The following STK31 variants were observed in gnomAD, a reference collection of about 807,000 sequenced individuals.
The protein encoded by STK31 is serine/threonine kinase 31.
A neutral mutation model predicts 129.7 loss-of-function variants in STK31; 89 were observed. The ratio of observed to expected loss-of-function variants is 0.69; its 90% CI spans 0.58 to 0.82. STK31 has a LOEUF of 0.82. Among genes scored for constraint, STK31 ranks in the 40% least tolerant of loss-of-function variants. The pLI is 0.00. For synonymous variants in STK31, 448 were observed against 395.3 expected, an observed-to-expected ratio of 1.13 and a Z score of -1.58; for missense variants, 1,187 against 1,176.4, an observed-to-expected ratio of 1.01 and a Z score of -0.13.
intron 12 of STK31, 119 bp from the exon 13 acceptor site, chr7:23,769,521 A>T (rs1411761372): frequency 1.5e-6 from 1 of 673,196 alleles, no homozygotes; most frequent in African/African-American, 1.8e-5. Flanking sequence ...TTTTTCCTGC[A>T]TTCCTAGTTC....
At chr7:23,723,442 A>C (rs931432674) in intron 4 of STK31, among the ~76,000 whole-genome samples, 1 of 152,208 alleles carries the variant, frequency 6.6e-6, no homozygotes, top group Admixed American at 6.5e-5. Context: ...TACAGGTGTG[A>C]GCCACTGTGC....
At chr7:23,789,954 G>T (rs1791515662) in intron 21 of STK31, among the ~76,000 whole-genome samples, 1 of 152,116 alleles carries the variant, frequency 6.6e-6, no homozygotes, top group South Asian at 2.1e-4. Flanking sequence ...AATTTGAAAA[G>T]TAGTCTGAGG....
In STK31 at chr7:23,762,895, C is replaced by T. The variant is rs1302803606; in HGVS notation, c.1388C>T (p.Ser463Phe). The change falls in exon 11 of 24, where the codon TCT becomes TTT. Residue 463 changes from serine (S) to phenylalanine (F), a missense_variant. Physicochemically the swap from Ser to Phe is radical, Grantham distance 155. Transcript: ENST00000355870. ...TTTATTCTGGAAGTTGATGAGTCAT[C>T]TCTTAATAAACGCTTAAAAACATTG... ...EDFILEVDES[S>F]LNKRLKTLQD... is the part of the protein sequence containing the mutation. 1.9e-6 allele frequency: 3 copies of T among 1,601,126 alleles called. No individual in the cohort carries two copies. The Admixed American group carries it at 5.2e-5, about 28-fold the overall frequency.
At chr7:23,761,236 G>C (rs898909694) in intron 10 of STK31, among the ~76,000 whole-genome samples, 3 of 151,866 alleles carry the variant, frequency 2.0e-5, no homozygotes, top group African/African-American at 7.3e-5. Flanking sequence ...TACTGCTTGT[G>C]TTTCCGGACT....
rs557107537 is a variant in STK31, at chr7:23,746,295, A to G, written c.1018-6422A>G. On this transcript the variant is annotated intron_variant, in intron 8 of 23. Transcript: ENST00000355870. ...TCCCTTTCGTGGCTAGAATTGCAGG[A>G]GTTTGCAGTGAGAATATGGGCCACT... Among the ~76,000 whole-genome samples, 69 of 152,218 alleles carry G rather than the reference A, an allele frequency of 4.5e-4. 1 individual carries two copies. The highest frequency in any genetic ancestry group is 9.2e-4 in the Admixed American group (14 of 15,298).
intron 22 of STK31, among the ~76,000 whole-genome samples, chr7:23,800,617 A>AGG (rs1300645375): frequency 6.6e-6 from 1 of 152,066 alleles, no homozygotes; most frequent in Admixed American, 6.6e-5. Flanking sequence ...GGTCTAGGGG[A>AGG]GGGATAGCAT....
chr7:23,772,400 G>T (rs965017163), intron 15 of STK31, 122 bp downstream of exon 15: 2 of 1,020,764 alleles, frequency 2.0e-6, no homozygotes, highest in Non-Finnish European at 2.8e-6. Context: ...TTCACATTTT[G>T]TTTTATATAC....
intron 4 of STK31, chr7:23,726,384 G>A (rs1787073493): frequency 9.1e-6 from 1 of 110,066 alleles, no homozygotes; most frequent in Admixed American, 1.4e-4. Flanking sequence ...TGAAGTTCGA[G>A]AAAATGAAAG....
chr7:23,713,233 G>T (rs1786087775), intron 3 of STK31, among the ~76,000 whole-genome samples: 1 of 152,106 alleles, frequency 6.6e-6, no homozygotes, highest in South Asian at 2.1e-4. Context: ...GCAGACAATT[G>T]TAACACAATA....
At chr7:23,789,680 T>C (rs1273416914) in intron 21 of STK31, among the ~76,000 whole-genome samples, 1 of 152,102 alleles carries the variant, frequency 6.6e-6, no homozygotes, top group Non-Finnish European at 1.5e-5. Context: ...AATTAAGATA[T>C]CCTAAGAAAT....
intron 11 of STK31, among the ~76,000 whole-genome samples, chr7:23,765,255 T>C (rs1028922344): frequency 1.3e-5 from 2 of 152,100 alleles, no homozygotes; most frequent in African/African-American, 4.8e-5. Context: ...GGTTTCACGA[T>C]GTTGCCCAGG....
chr7:23,827,868 C>A (rs1794271636), intron 23 of STK31, among the ~76,000 whole-genome samples: 3 of 152,188 alleles, frequency 2.0e-5, no homozygotes, highest in African/African-American at 7.2e-5. Flanking sequence ...ACTCCAGACC[C>A]TGTTTGTCTA....
At chr7:23,734,883 T>G (rs1562558116) in intron 6 of STK31, among the ~76,000 whole-genome samples, 1 of 152,094 alleles carries the variant, frequency 6.6e-6, no homozygotes, top group East Asian at 1.9e-4. Flanking sequence ...GAGAATCGCT[T>G]GAACCGGGGA....
At chr7:23,725,276 C>T (rs530391737) in intron 4 of STK31, among the ~76,000 whole-genome samples, 6 of 143,372 alleles carry the variant, frequency 4.2e-5, no homozygotes, top group East Asian at 2.1e-4. Flanking sequence ...GGCTCATGCC[C>T]GTAATCCCAG....
chr7:23,781,355 A>G (rs901131192), intron 15 of STK31, 64 bp from the exon 16 acceptor site: 2 of 1,237,390 alleles, frequency 1.6e-6, no homozygotes, highest in Admixed American at 4.3e-5. Context: ...ATAGAACTTG[A>G]ATTCTTAAAA....
chr7:23,736,759 ATAT>A (rs1787742727), intron 7 of STK31, 142 bp from the exon 8 acceptor site: 2 of 525,762 alleles, frequency 3.8e-6, no homozygotes, highest in South Asian at 1.3e-4. Flanking sequence ...TTATTTTTTA[ATAT>A]TATGAACTAG....
chr7:23,809,280 G>A (rs927520712), intron 22 of STK31, among the ~76,000 whole-genome samples: 1 of 151,882 alleles, frequency 6.6e-6, no homozygotes, highest in African/African-American at 2.4e-5. Context: ...TGAGCCCTTG[G>A]TGCTTTCTTT....
chr7:23,712,493 A>G (rs73080921), intron 3 of STK31, among the ~76,000 whole-genome samples: 8,631 of 152,278 alleles, frequency 0.057, 309 homozygotes, highest in East Asian at 0.13. Context: ...TGTTATGCCC[A>G]TAATACACCA....
intron 22 of STK31, among the ~76,000 whole-genome samples, chr7:23,793,814 C>A (rs2128116128): frequency 6.6e-6 from 1 of 152,318 alleles, no homozygotes; most frequent in East Asian, 1.9e-4. Flanking sequence ...CTTTGAAAAA[C>A]ATTTGGCAGT....
Sources: gnomAD v4.1 joint callset for allele counts (sites outside exome capture counted in the v4.1 genomes callset) on GRCh38, gnomAD v4.1.1 for gene constraint, MANE v1.5 for transcripts, NCBI Gene and HGNC (gene_info 2026-07-23, HGNC 2026-07-21) for gene names.